CES1: variants seen among roughly 807,000 people sequenced by gnomAD.
CES1 encodes liver carboxylesterase 1.
Under a neutral mutation model 53.0 loss-of-function variants are expected in CES1, and 50 were observed. The observed-to-expected ratio is 0.94, with a 90% confidence interval of 0.75 to 1.19. The LOEUF (loss-of-function observed/expected upper bound fraction) is 1.19, where lower values mean the gene tolerates loss of function less well. Ranked by LOEUF, CES1 falls within the 50% of genes most tolerant of loss-of-function variation. CES1 has a pLI of 0.00. For synonymous variants in CES1, 202 were observed against 210.1 expected (o/e 0.96, Z 0.33); for missense variants, 534 against 538.0 (o/e 0.99, Z 0.07).
chr16:55,825,602 G>A (rs530929001), intron 3 of CES1, among the ~76,000 whole-genome samples: 1 of 152,380 alleles, frequency 6.6e-6, no homozygotes, highest in African/African-American at 2.4e-5. Context: ...TACCTGGACA[G>A]TGAAAGTTAC....
intron 7 of CES1, among the ~76,000 whole-genome samples, chr16:55,818,085 C>T (rs1473144626): frequency 6.6e-6 from 1 of 152,170 alleles, no homozygotes; most frequent in Non-Finnish European, 1.5e-5. Context: ...AAGCAGAGTC[C>T]AGTGATAGAG....
In CES1 at chr16:55,821,371, A is replaced by C; in HGVS notation, c.690T>G (p.Val230=). ...GESAGGESVS[V]LVLSPLAKNL... ...GCCTGGTGACAGGAAAACTCACAAGAACAGAGACACTTTCTCCTCCCGCTG... is the reference window on the plus strand; with the variant it reads ...GCCTGGTGACAGGAAAACTCACAAGCACAGAGACACTTTCTCCTCCCGCTG... Residue 230 remains valine, a synonymous_variant, in exon 5 of 14, where the codon GTT becomes GTG. Coordinates refer to ENST00000360526, the MANE Select transcript of CES1 (RefSeq NM_001025195.2). The C allele has an allele frequency of 6.2e-7, 1 of 1,614,190 alleles. No homozygotes were observed. The highest frequency in any genetic ancestry group is 8.5e-7 in the Non-Finnish European group (1 of 1,180,042).
At chr16:55,808,543 T>G (rs1253886353) in intron 11 of CES1, among the ~76,000 whole-genome samples, 1 of 152,228 alleles carries the variant, frequency 6.6e-6, no homozygotes, top group Admixed American at 6.5e-5. Context: ...CACATTCTTA[T>G]GCAGTGGAAT....
At chr16:55,820,738 G>C (rs2032145583) in intron 5 of CES1, among the ~76,000 whole-genome samples, 2 of 152,096 alleles carry the variant, frequency 1.3e-5, no homozygotes, top group African/African-American at 4.8e-5. Context: ...TCACACCCAA[G>C]GTTGTGTCTA....
chr16:55,816,948 C>G lies in CES1; in HGVS notation c.921G>C (p.Leu307=). Residue 307 remains leucine, a synonymous_variant, in exon 8 of 14, where the codon CTG becomes CTC. Transcript: ENST00000360526. ...ETTLKMKFLS[L]DLQGDPRESQ... ...CCTCTCTGGGGTCTCCCTGTAAGTC[C>G]AGAGATAAGAATTTCTGTGAAGACA... The G allele has an allele frequency of 1.9e-6, 3 of 1,614,080 alleles. No individual in the cohort carries two copies. In the South Asian group the frequency reaches 3.3e-5, roughly 18 times the overall value.
chr16:55,810,981 C>A lies in CES1; in HGVS notation c.1116G>T (p.Gly372=). ...MQLMSYPLSE[G]QLDQKTAMSL... ...ACATGGCTGTCTTCTGGTCCAGTTG[C>A]CCTTCGGAGAGTGGATAGCTCATCA... Residue 372 remains glycine (G), a synonymous_variant, in exon 10 of 14, where the codon GGG becomes GGT. Coordinates refer to ENST00000360526, the MANE Select transcript of CES1 (RefSeq NM_001025195.2). The A allele has an allele frequency of 1.2e-6, 2 of 1,613,026 alleles. No homozygotes were observed. The highest frequency in any genetic ancestry group is 1.7e-6 in the Non-Finnish European group (2 of 1,179,722).
chr16:55,820,096 C>T, intron 6 of CES1: 1 of 598,392 alleles, frequency 1.7e-6, no homozygotes, highest in Non-Finnish European at 3.0e-6. Context: ...GGGCACTGTA[C>T]TGGCTGCTAG....
At chr16:55,810,394 T>C (rs1325836350) in intron 11 of CES1, 123 bp downstream of exon 11, 3 of 1,290,426 alleles carry the variant, frequency 2.3e-6, no homozygotes, top group African/African-American at 1.5e-5. Flanking sequence ...CCATGCCATA[T>C]GGAATCAGCC....
chr16:55,822,517 C>T (rs1597082803), intron 4 of CES1, among the ~76,000 whole-genome samples: 2 of 152,038 alleles, frequency 1.3e-5, no homozygotes, highest in Admixed American at 1.3e-4. Flanking sequence ...AAGGGGGTCT[C>T]TGTTGGGGAG....
At position 55,828,823 on chromosome 16, in the gene CES1, T is replaced by A; in HGVS notation, c.204A>T (p.Pro68=). The change falls in exon 2 of 14, where the codon CCA becomes CCT. Residue 68 remains proline, a synonymous_variant. Coordinates refer to ENST00000360526, the MANE Select transcript of CES1 (RefSeq NM_001025195.2). ...AGCTCCATGGTTCTGCAGGCTGCGG[T>A]GGAGTAAACCTCAGGGGTCCAAGAG... The part of the protein sequence containing the change: ...KPPLGPLRFT[P]PQPAEPWSFV... 1 of 1,614,300 alleles carries A rather than the reference T, an allele frequency of 6.2e-7. No individual in the cohort carries two copies. Among genetic ancestry groups the A allele is most frequent in the Non-Finnish European group, 8.5e-7 (1 of 1,180,052 alleles).
chr16:55,830,975 A>G (rs574763371), intron 1 of CES1, among the ~76,000 whole-genome samples: 3 of 152,298 alleles, frequency 2.0e-5, no homozygotes, highest in Admixed American at 6.5e-5. Context: ...ATCCCTGTTT[A>G]CACAGGCTCG....
rs529898744 is a variant in CES1 at position 55,831,319 on chromosome 16, T to G, written c.52+1685A>C. Among the ~76,000 whole-genome samples the G allele has an allele frequency of 9.9e-4, 151 of 151,896 alleles. 1 individual carries two copies. Among genetic ancestry groups the G allele is most frequent in the African/African-American group, 3.4e-3 (141 of 41,294 alleles). Reference sequence around the variant, plus strand: ...TTCAGGGAGGTGGAGGAGAGTCAAGTCAGAGAAGAAACCACTGGGCTGGTC... The same window carrying G: ...TTCAGGGAGGTGGAGGAGAGTCAAGGCAGAGAAGAAACCACTGGGCTGGTC... On this transcript the variant is annotated intron_variant, in intron 1 of 13. Transcript: ENST00000360526.
intron 11 of CES1, among the ~76,000 whole-genome samples, chr16:55,808,222 A>T (rs1486393499): frequency 1.4e-5 from 2 of 142,624 alleles, no homozygotes; most frequent in Non-Finnish European, 3.0e-5. Context: ...GCTTTTGTGA[A>T]TGATAGAACT....
At chr16:55,832,895 C>G (rs560525063) in intron 1 of CES1, 109 bp downstream of exon 1, 1 of 1,055,548 alleles carries the variant, frequency 9.5e-7, no homozygotes, top group South Asian at 1.3e-5. Context: ...CGTGCCCCGC[C>G]GCAGAGCCGG....
intron 4 of CES1, among the ~76,000 whole-genome samples, chr16:55,823,306 T>A (rs1453687311): frequency 6.6e-6 from 1 of 152,214 alleles, no homozygotes; most frequent in Non-Finnish European, 1.5e-5. Flanking sequence ...TCTTGCAGGA[T>A]GAAGAGGTGT....
chr16:55,827,522 A>T (rs2032466447), intron 2 of CES1, among the ~76,000 whole-genome samples: 1 of 152,096 alleles, frequency 6.6e-6, no homozygotes, highest in Non-Finnish European at 1.5e-5. Context: ...TGGGAGGGAA[A>T]TCAAACAAGA....
intron 1 of CES1, among the ~76,000 whole-genome samples, chr16:55,831,033 G>A (rs1259718572): frequency 3.9e-5 from 6 of 152,156 alleles, no homozygotes; most frequent in Non-Finnish European, 7.3e-5. Context: ...CACAGGATGA[G>A]CGCACTTCAA....
In CES1 at chr16:55,828,854, T is replaced by C. The variant is rs1205817734; in HGVS notation, c.173A>G (p.Lys58Arg). 4 of 1,614,284 alleles carry C rather than the reference T, an allele frequency of 2.5e-6. No homozygotes were observed. In the South Asian group the frequency reaches 4.4e-5, roughly 18 times the overall value. Residue 58 changes from lysine to arginine, a missense_variant, in exon 2 of 14, where the codon AAG becomes AGG. Physicochemically the swap from Lys to Arg is conservative, Grantham distance 26. Coordinates refer to ENST00000360526, the MANE Select transcript of CES1 (RefSeq NM_001025195.2). ...AAACCTCAGGGGTCCAAGAGGCGGCTTGGCAAAAGGGATTCCCAGGAAAAT... is the reference window on the plus strand; with the variant it reads ...AAACCTCAGGGGTCCAAGAGGCGGCCTGGCAAAAGGGATTCCCAGGAAAAT... Reference protein sequence around the residue: ...VAIFLGIPFAKPPLGPLRFTP... With the variant: ...VAIFLGIPFARPPLGPLRFTP...
chr16:55,831,292 A>G (rs143122105), intron 1 of CES1, among the ~76,000 whole-genome samples: 19,695 of 150,934 alleles, frequency 0.13, 1,105 homozygotes, highest in Non-Finnish European at 0.16. Flanking sequence ...AGTGCTGAGG[A>G]CTTCAGGGAG....
Sources: allele counts gnomAD v4.1 joint callset (sites outside exome capture counted in the v4.1 genomes callset), GRCh38; gene constraint gnomAD v4.1.1; transcripts MANE v1.5; gene names NCBI Gene and HGNC (gene_info 2026-07-23, HGNC 2026-07-21).